Variants in HIVEP2 observed in about 807,000 individuals in gnomAD.
The protein encoded by HIVEP2 is transcription factor HIVEP2.
In HIVEP2, 14 loss-of-function variants were observed where a neutral mutation model predicts 180.7. That is an observed-to-expected ratio of 0.08 (90% CI 0.05 to 0.12). The LOEUF (loss-of-function observed/expected upper bound fraction) is 0.12. HIVEP2 is among the 10% of genes least tolerant of loss of function. HIVEP2 has a pLI of 1.00. For missense variants in HIVEP2, 2,579 were observed against 3,008.5 expected (o/e 0.86, Z 3.34); for synonymous variants, 1,184 against 1,136.4 (o/e 1.04, Z -0.84).
chr6:142,879,734 C>G (rs1353760752), intron 1 of HIVEP2, among the ~76,000 whole-genome samples: 1 of 152,126 alleles, frequency 6.6e-6, no homozygotes, highest in East Asian at 1.9e-4. Flanking sequence ...CATTAACACC[C>G]TCCCCAGGCT....
intron 1 of HIVEP2, among the ~76,000 whole-genome samples, chr6:142,939,168 A>G (rs1005102691): frequency 6.6e-6 from 1 of 152,168 alleles, no homozygotes; most frequent in African/African-American, 2.4e-5. Context: ...ACATTTGGCA[A>G]TGTTTAACAA....
chr6:142,941,035 A>T (rs1778164974), intron 1 of HIVEP2, among the ~76,000 whole-genome samples: 1 of 152,248 alleles, frequency 6.6e-6, no homozygotes, highest in Non-Finnish European at 1.5e-5. Context: ...AGACACTTGT[A>T]GAAAAATCAC....
At position 142,752,355 on chromosome 6, in the gene HIVEP2, T is replaced by G. The variant is rs1454634606; in HGVS notation, c.*752A>C. 1.4e-4 allele frequency: 21 copies of G among 152,670 alleles called. No homozygotes were observed. Among genetic ancestry groups the G allele is most frequent in the Non-Finnish European group, 5.9e-5 (4 of 68,046 alleles). 9.5% of individuals were successfully genotyped at this position (152,670 alleles called of 1,614,324 possible). On this transcript the variant is annotated 3_prime_UTR_variant, in exon 10 of 10. Transcript: ENST00000367603. Reference sequence around the variant, plus strand: ...TGTTTACTTTAATGCTTTACGGTACTATCATTTTAAAATCACAATCAGCAC... The same window carrying G: ...TGTTTACTTTAATGCTTTACGGTACGATCATTTTAAAATCACAATCAGCAC...
chr6:142,846,340 C>G (rs1775516175), intron 1 of HIVEP2, among the ~76,000 whole-genome samples: 1 of 152,008 alleles, frequency 6.6e-6, no homozygotes, highest in South Asian at 2.1e-4. Flanking sequence ...AGGCAGACAC[C>G]ACAACGCAAG....
intron 3 of HIVEP2, among the ~76,000 whole-genome samples, chr6:142,778,933 T>C (rs1775772126): frequency 6.6e-6 from 1 of 152,206 alleles, no homozygotes; most frequent in Admixed American, 6.5e-5. Flanking sequence ...CTCTGCATGT[T>C]TGTAGTACAA....
intron 2 of HIVEP2, among the ~76,000 whole-genome samples, chr6:142,825,113 C>A (rs537090331): frequency 4.3e-4 from 66 of 152,316 alleles, no homozygotes; most frequent in African/African-American, 1.5e-3. Context: ...GGAGCCTGCC[C>A]TTCACACTTA....
At chr6:142,829,718 C>A (rs189578772) in intron 2 of HIVEP2, among the ~76,000 whole-genome samples, 87 of 152,258 alleles carry the variant, frequency 5.7e-4, no homozygotes, top group African/African-American at 2.0e-3. Flanking sequence ...TTAAAAATAG[C>A]CAAAAAAGCT....
At position 142,831,552 on chromosome 6, in the gene HIVEP2, G is replaced by A. The variant is rs566237415; in HGVS notation, c.-528+5383C>T. On this transcript the variant is annotated intron_variant, in intron 2 of 9. Coordinates refer to ENST00000367603, the MANE Select transcript of HIVEP2 (RefSeq NM_006734.4). ...CTGCAGTCAATGTCAGCTGTGCTTT[G>A]CCTTCACACTACACAGGAATCCCTC... Among the ~76,000 whole-genome samples, 4 of 152,246 alleles carry A rather than the reference G, an allele frequency of 2.6e-5. No homozygotes were observed. The South Asian group carries it at 8.3e-4, about 32-fold the overall frequency.
At chr6:142,865,518 T>C (rs1776116069) in intron 1 of HIVEP2, among the ~76,000 whole-genome samples, 1 of 152,150 alleles carries the variant, frequency 6.6e-6, no homozygotes, top group Non-Finnish European at 1.5e-5. Context: ...GCATAATTAA[T>C]ACAGTAATAC....
At chr6:142,765,951 C>T (rs1008938165) in intron 6 of HIVEP2, among the ~76,000 whole-genome samples, 6 of 152,144 alleles carry the variant, frequency 3.9e-5, no homozygotes, top group East Asian at 3.8e-4. Flanking sequence ...TTTGGAAAGA[C>T]GCTCCATTTG....
At chr6:142,811,867 C>G (rs1291569414) in intron 2 of HIVEP2, among the ~76,000 whole-genome samples, 1 of 152,200 alleles carries the variant, frequency 6.6e-6, no homozygotes, top group African/African-American at 2.4e-5. Flanking sequence ...CATGGAGTAG[C>G]TGAAGCCAGA....
At chr6:142,754,623 A>T (rs1298823827) in intron 9 of HIVEP2, among the ~76,000 whole-genome samples, 1 of 152,172 alleles carries the variant, frequency 6.6e-6, no homozygotes, top group African/African-American at 2.4e-5. Flanking sequence ...ATCAATAATA[A>T]TTTTTTAAAG....
At chr6:142,839,230 G>C (rs1376824159) in intron 1 of HIVEP2, among the ~76,000 whole-genome samples, 2 of 151,918 alleles carry the variant, frequency 1.3e-5, no homozygotes, top group Non-Finnish European at 2.9e-5. Flanking sequence ...TATAATGAAA[G>C]GAAAATAAAC....
At chr6:142,893,939 T>A (rs1776923665) in intron 1 of HIVEP2, among the ~76,000 whole-genome samples, 1 of 152,160 alleles carries the variant, frequency 6.6e-6, no homozygotes, top group Admixed American at 6.5e-5. Context: ...AGCCCCATAT[T>A]ACATAATCAT....
At chr6:142,856,598 C>A (rs183710833) in intron 1 of HIVEP2, among the ~76,000 whole-genome samples, 1 of 152,184 alleles carries the variant, frequency 6.6e-6, no homozygotes, top group South Asian at 2.1e-4. Context: ...AAAAGAGAAG[C>A]GTGAGTAATT....
chr6:142,809,210 G>A (rs1562243965), intron 2 of HIVEP2, among the ~76,000 whole-genome samples: 2 of 151,970 alleles, frequency 1.3e-5, no homozygotes, highest in East Asian at 1.9e-4. Context: ...CAAAAGTCAG[G>A]TCTCTAATCT....
intron 1 of HIVEP2, among the ~76,000 whole-genome samples, chr6:142,839,934 G>A (rs198651): frequency 0.15 from 22,923 of 152,018 alleles, 3,149 homozygotes; most frequent in African/African-American, 0.37. Context: ...CCTTTGCATC[G>A]TAGAGCCACT....
intron 2 of HIVEP2, among the ~76,000 whole-genome samples, chr6:142,789,034 T>C (rs1776074418): frequency 6.6e-6 from 1 of 152,224 alleles, no homozygotes; most frequent in Non-Finnish European, 1.5e-5. Context: ...GGTTTCTCTA[T>C]GATTATATAT....
intron 1 of HIVEP2, among the ~76,000 whole-genome samples, chr6:142,870,050 C>A (rs574077808): frequency 1.3e-5 from 2 of 151,986 alleles, no homozygotes; most frequent in African/African-American, 4.8e-5. Flanking sequence ...ATCTGGCAGC[C>A]GTGACCACTG....
Sources: allele counts gnomAD v4.1 joint callset (sites outside exome capture counted in the v4.1 genomes callset), GRCh38; gene constraint gnomAD v4.1.1; transcripts MANE v1.5; gene names NCBI Gene and HGNC (gene_info 2026-07-23, HGNC 2026-07-21).